Variants in NRXN1 observed in about 807,000 individuals in gnomAD.
NRXN1 encodes the protein neurexin-1.
Under a neutral mutation model 150.9 loss-of-function variants are expected in NRXN1, and 39 were observed. The ratio of observed to expected loss-of-function variants is 0.26; its 90% CI spans 0.20 to 0.34. The LOEUF (loss-of-function observed/expected upper bound fraction) is 0.34, where lower values mean the gene tolerates loss of function less well. Ranked by LOEUF, NRXN1 falls within the 10% of genes least tolerant of loss-of-function variation. The probability of loss-of-function intolerance (pLI) is 1.00; values close to 1 mark genes in which losing one functional copy is unlikely to be tolerated. For missense variants in NRXN1, 1,815 were observed against 1,949.9 expected, an observed-to-expected ratio of 0.93 and a Z score of 1.30; for synonymous variants, 924 against 757.0, an observed-to-expected ratio of 1.22 and a Z score of -3.62.
rs572285922 is a variant in NRXN1 at position 49,929,144 on chromosome 2, G to A, written c.4217-6893C>T. Among the ~76,000 whole-genome samples, 18 of 152,240 alleles carry A rather than the reference G, an allele frequency of 1.2e-4. No individual in the cohort carries two copies. The South Asian group carries it at 1.5e-3, about 12-fold the overall frequency. Reference sequence around the variant, plus strand: ...CAGAGATCTAGGTATTGAATGGGAAGGGATGCTAGACACGGAAAAACTCAT... The same window carrying A: ...CAGAGATCTAGGTATTGAATGGGAAAGGATGCTAGACACGGAAAAACTCAT... On this transcript the variant is annotated intron_variant, in intron 22 of 22. Transcript: ENST00000401669.
At chr2:50,869,723 T>C (rs1046622150) in intron 5 of NRXN1, among the ~76,000 whole-genome samples, 2 of 151,868 alleles carry the variant, frequency 1.3e-5, no homozygotes, top group Admixed American at 1.3e-4. Flanking sequence ...TCACTAGATT[T>C]TGAATTACAT....
At chr2:50,360,242 G>A (rs1216049889) in intron 17 of NRXN1, among the ~76,000 whole-genome samples, 1 of 152,156 alleles carries the variant, frequency 6.6e-6, no homozygotes, top group East Asian at 1.9e-4. Flanking sequence ...ATAATGACAG[G>A]ATCATTTCAA....
intron 5 of NRXN1, among the ~76,000 whole-genome samples, chr2:50,697,366 T>C (rs921293588): frequency 1.3e-5 from 2 of 152,218 alleles, no homozygotes; most frequent in Non-Finnish European, 2.9e-5. Context: ...ATTAAATTTG[T>C]GTGTGACAAA....
At position 50,623,527 on chromosome 2, in the gene NRXN1, T is replaced by G; in HGVS notation, c.921A>C (p.Glu307Asp). The G allele has an allele frequency of 1.2e-6, 2 of 1,613,312 alleles. No homozygotes were observed. Residue 307 changes from glutamate to aspartate, a missense_variant, in exon 6 of 23, where the codon GAA (glutamate) becomes GAC (aspartate). This residue lies in a region of NRXN1 where 554 missense variants were observed against 478.8 expected (regional missense o/e 1.16). Transcript: ENST00000401669. ...SQNPIQSSSD[E>D]ITLSFKTLQR... ...GAAGGGTTTTAAATGACAGAGTTAT[T>G]TCATCACTGCTGCTTTGAATGGGGT...
chr2:50,403,925 A>G (rs1391672548), intron 17 of NRXN1, among the ~76,000 whole-genome samples: 1 of 152,130 alleles, frequency 6.6e-6, no homozygotes, highest in African/African-American at 2.4e-5. Context: ...CCCTCTGAAC[A>G]TAAGACAATG....
At chr2:50,621,887 G>T (rs1415450570) in intron 6 of NRXN1, among the ~76,000 whole-genome samples, 1 of 152,076 alleles carries the variant, frequency 6.6e-6, no homozygotes, top group East Asian at 1.9e-4. Context: ...TGCTACACAT[G>T]CACCCCGGCT....
At chr2:50,941,446 G>C (rs776805580) in intron 2 of NRXN1, among the ~76,000 whole-genome samples, 7 of 152,130 alleles carry the variant, frequency 4.6e-5, no homozygotes, top group Middle Eastern at 3.2e-3. Flanking sequence ...TTGTTGAATG[G>C]TCCTGACCAA....
intron 8 of NRXN1, among the ~76,000 whole-genome samples, chr2:50,596,667 T>C (rs565899750): frequency 6.3e-4 from 96 of 152,214 alleles, no homozygotes; most frequent in African/African-American, 2.3e-3. Flanking sequence ...AAAAGCTTTG[T>C]ATATAGCAGA....
At chr2:50,439,588 C>T (rs1363499607) in intron 17 of NRXN1, among the ~76,000 whole-genome samples, 2 of 151,924 alleles carry the variant, frequency 1.3e-5, no homozygotes, top group Non-Finnish European at 2.9e-5. Context: ...GGGTGGATCA[C>T]GAGGTCAGGA....
intron 5 of NRXN1, among the ~76,000 whole-genome samples, chr2:50,836,891 G>A: frequency 7.1e-6 from 1 of 140,726 alleles, no homozygotes; most frequent in Non-Finnish European, 1.6e-5. Flanking sequence ...AGCATCAATA[G>A]AAACCAATTG....
intron 5 of NRXN1, among the ~76,000 whole-genome samples, chr2:50,795,866 C>T (rs1485165032): frequency 6.6e-6 from 1 of 151,680 alleles, no homozygotes; most frequent in African/African-American, 2.4e-5. Flanking sequence ...TATAACAATG[C>T]CTGCTGGAAT....
chr2:50,400,081 T>C (rs1208216350), intron 17 of NRXN1, among the ~76,000 whole-genome samples: 2 of 151,980 alleles, frequency 1.3e-5, no homozygotes, highest in Non-Finnish European at 2.9e-5. Context: ...GAAAGAATAG[T>C]CTGAACAAAC....
intron 21 of NRXN1, among the ~76,000 whole-genome samples, chr2:49,955,769 A>C (rs1045948822): frequency 1.3e-4 from 20 of 152,148 alleles, no homozygotes; most frequent in Non-Finnish European, 2.9e-4. Flanking sequence ...CTACAGGATG[A>C]AAGCTTTATC....
At chr2:50,669,723 C>A (rs1339781950) in intron 5 of NRXN1, among the ~76,000 whole-genome samples, 3 of 151,142 alleles carry the variant, frequency 2.0e-5, no homozygotes, top group East Asian at 3.9e-4. Flanking sequence ...AATATGGTAA[C>A]CCTCATATAT....
In NRXN1 at chr2:50,638,089, C is replaced by T. The variant is rs144031146; in HGVS notation, c.833-14474G>A. 2.8e-3 allele frequency among the ~76,000 whole-genome samples: 432 copies of T among 152,034 alleles called. 1 individual carries two copies. The highest frequency in any genetic ancestry group is 0.01 in the African/African-American group (419 of 41,470). ...GGAAGAGGGAGATCCATAACATTTA[C>T]GAGACTTTCTCTGGTGCACAGGCGA... On this transcript the variant is annotated intron_variant, in intron 5 of 22. Coordinates refer to ENST00000401669, the MANE Select transcript of NRXN1 (RefSeq NM_001330078.2).
chr2:50,531,630 T>C (rs573864987), intron 10 of NRXN1, among the ~76,000 whole-genome samples, 200 bp from the exon 11 acceptor site: 53 of 152,276 alleles, frequency 3.5e-4, no homozygotes, highest in African/African-American at 9.1e-4. Context: ...TGTGAGATAT[T>C]TGCTAAAGCC....
intron 21 of NRXN1, among the ~76,000 whole-genome samples, chr2:49,979,459 A>C (rs1679594387): frequency 6.6e-6 from 1 of 152,240 alleles, no homozygotes. Flanking sequence ...ATGAGTATTT[A>C]TAGGTTATGA....
intron 18 of NRXN1, among the ~76,000 whole-genome samples, chr2:50,157,273 C>T (rs2152780310): frequency 6.6e-6 from 1 of 152,080 alleles, no homozygotes; most frequent in Non-Finnish European, 1.5e-5. Flanking sequence ...GGACTTCTCT[C>T]TAAGAGTAGT....
At chr2:50,098,828 T>C (rs1700586193) in intron 18 of NRXN1, among the ~76,000 whole-genome samples, 1 of 110,090 alleles carries the variant, frequency 9.1e-6, no homozygotes, top group Non-Finnish European at 1.8e-5. Flanking sequence ...TTTTTGGTTT[T>C]AGTTTTTTTT....
Sources: allele counts gnomAD v4.1 joint callset (sites outside exome capture counted in the v4.1 genomes callset), GRCh38; gene constraint gnomAD v4.1.1; regional missense constraint gnomAD v4.1.1; transcripts MANE v1.5; gene names NCBI Gene and HGNC (gene_info 2026-07-23, HGNC 2026-07-21).